The following PDE1C variants were observed in gnomAD, a reference collection of about 807,000 sequenced individuals.
The protein encoded by PDE1C is dual specificity calcium/calmodulin-dependent 3',5'-cyclic nucleotide phosphodiesterase 1C.
Under a neutral mutation model 93.1 loss-of-function variants are expected in PDE1C, and 62 were observed. The observed-to-expected ratio is 0.67, with a 90% CI of 0.54 to 0.82. PDE1C has a LOEUF of 0.82. PDE1C is among the 40% of genes least tolerant of loss of function. The pLI is 0.00. For missense variants in PDE1C, 742 were observed against 884.6 expected, an observed-to-expected ratio of 0.84 and a Z score of 2.04; for synonymous variants, 325 against 310.1, an observed-to-expected ratio of 1.05 and a Z score of -0.50.
intron 1 of PDE1C, among the ~76,000 whole-genome samples, chr7:32,297,673 C>G (rs1387952123): frequency 6.6e-6 from 1 of 152,136 alleles, no homozygotes; most frequent in African/African-American, 2.4e-5. Context: ...CCCAAAACCC[C>G]CTCTGGTCCC....
chr7:32,252,278 G>A (rs1374940420), intron 1 of PDE1C, among the ~76,000 whole-genome samples: 1 of 152,170 alleles, frequency 6.6e-6, no homozygotes, highest in African/African-American at 2.4e-5. Flanking sequence ...CACTGCACAA[G>A]ATCCCGGGAC....
chr7:32,021,973 A>G (rs1393342077), intron 2 of PDE1C, among the ~76,000 whole-genome samples: 2 of 152,132 alleles, frequency 1.3e-5, no homozygotes, highest in East Asian at 3.8e-4. Context: ...TGTTCTTAGT[A>G]TCTCAATCTA....
chr7:31,873,397 C>T lies in PDE1C; in HGVS notation c.504G>A (p.Lys168=), dbSNP rs1316672228. 1.2e-6 allele frequency: 2 copies of T among 1,609,358 alleles called. No individual in the cohort carries two copies. Among genetic ancestry groups the T allele is most frequent in the Non-Finnish European group, 1.7e-6 (2 of 1,175,990 alleles). ...AVIEALKDVD[K]WSFDVFSLNE... is the part of the protein sequence containing the mutation. ...TGAGGGAAAAGACGTCAAAGGACCA[C>T]TTGTCCACATCCTGCAGGACAGGGT... The change falls in exon 6 of 18, where the codon AAG becomes AAA. Residue 168 remains lysine (K), a synonymous_variant. Coordinates refer to ENST00000396191, the MANE Select transcript of PDE1C (RefSeq NM_001191057.4).
chr7:31,961,541 T>C lies in PDE1C; in HGVS notation c.129-80681A>G, dbSNP rs184401046. Among the ~76,000 whole-genome samples, 510 of 152,164 alleles carry C rather than the reference T, an allele frequency of 3.4e-3. 1 individual carries two copies. Among genetic ancestry groups the C allele is most frequent in the Non-Finnish European group, 5.9e-3 (399 of 67,996 alleles). ...TGAGGAAAAGAGGAAATGATCCCAT[T>C]TGACAGATAAGAACACTGGGGCAAC... On this transcript the variant is annotated intron_variant, in intron 2 of 17. Transcript: ENST00000396191.
chr7:32,193,350 T>C (rs1160605508), intron 2 of PDE1C, among the ~76,000 whole-genome samples: 5 of 152,200 alleles, frequency 3.3e-5, no homozygotes, highest in Non-Finnish European at 5.9e-5. Context: ...TGAGAGTTTC[T>C]ATCATGAATG....
rs1795780835 is a variant in PDE1C at position 31,775,701 on chromosome 7, G to A, written c.1923C>T (p.Ala641=). 6.2e-7 allele frequency: 1 copy of A among 1,612,864 alleles called. No homozygotes were observed. The highest frequency in any genetic ancestry group is 1.3e-5 in the African/African-American group (1 of 75,044). Residue 641 remains alanine (A), a synonymous_variant, in exon 17 of 18, where the codon GCC becomes GCT. Transcript: ENST00000396191. ...GTKQRSHGSP[A]PSTSSTCRLT... Reference sequence around the variant, plus strand: ...GGCGACACGTGGAGCTGGTGCTTGGGGCTGGTGAGCCGTGAGAACGCTGTT... The same window carrying A: ...GGCGACACGTGGAGCTGGTGCTTGGAGCTGGTGAGCCGTGAGAACGCTGTT...
At chr7:31,972,203 C>T (rs532322878) in intron 2 of PDE1C, among the ~76,000 whole-genome samples, 1 of 152,308 alleles carries the variant, frequency 6.6e-6, no homozygotes, top group Non-Finnish European at 1.5e-5. Context: ...AATAACCATT[C>T]TTAAAAGGGA....
At chr7:32,134,763 T>C (rs1054855173) in intron 3 of PDE1C, among the ~76,000 whole-genome samples, 6 of 151,098 alleles carry the variant, frequency 4.0e-5, no homozygotes, top group African/African-American at 1.5e-4. Flanking sequence ...TGTCAGGGGG[T>C]TGGGGACAAG....
chr7:31,908,965 C>T (rs1800912567), intron 2 of PDE1C, among the ~76,000 whole-genome samples: 1 of 152,200 alleles, frequency 6.6e-6, no homozygotes, highest in African/African-American at 2.4e-5. Flanking sequence ...TAAATTCTGC[C>T]TGTGGACAGC....
intron 2 of PDE1C, among the ~76,000 whole-genome samples, chr7:32,050,749 G>A (rs1228881224): frequency 6.6e-6 from 1 of 152,108 alleles, no homozygotes; most frequent in East Asian, 1.9e-4. Flanking sequence ...CAACCTGTAT[G>A]CATGCTCAAA....
At chr7:32,297,084 C>T (rs1291957156) in intron 1 of PDE1C, among the ~76,000 whole-genome samples, 1 of 152,136 alleles carries the variant, frequency 6.6e-6, no homozygotes, top group East Asian at 1.9e-4. Flanking sequence ...GACAAGATTT[C>T]TCAATGCTGT....
intron 2 of PDE1C, among the ~76,000 whole-genome samples, chr7:31,979,177 G>T (rs1397703744): frequency 6.6e-6 from 1 of 152,022 alleles, no homozygotes; most frequent in Non-Finnish European, 1.5e-5. Context: ...CCATATCATG[G>T]GTAATTGTAT....
In PDE1C at chr7:32,027,707, G is replaced by A. The variant is rs372376663; in HGVS notation, c.128+23847C>T. 5.6e-5 allele frequency among the ~76,000 whole-genome samples: 8 copies of A among 143,178 alleles called. 1 individual carries two copies. The highest frequency in any genetic ancestry group is 7.1e-5 in the Admixed American group (1 of 14,016). 93.9% of individuals were successfully genotyped at this position (143,178 alleles called of 152,430 possible). On this transcript the variant is annotated intron_variant, in intron 2 of 17. Transcript: ENST00000396191. Reference sequence around the variant, plus strand: ...CCACTCTGATCCTCTACCAAGATGAGCCTGACTGTTATGAGCTGCGTTACA... The same window carrying A: ...CCACTCTGATCCTCTACCAAGATGAACCTGACTGTTATGAGCTGCGTTACA...
At chr7:32,426,471 C>T (rs562406672) in intron 1 of PDE1C, among the ~76,000 whole-genome samples, 4 of 152,078 alleles carry the variant, frequency 2.6e-5, no homozygotes, top group South Asian at 2.1e-4. Flanking sequence ...GATGGAGTTT[C>T]GCCATGTTGC....
At chr7:32,172,684 T>C (rs982941017) in intron 2 of PDE1C, among the ~76,000 whole-genome samples, 10 of 151,764 alleles carry the variant, frequency 6.6e-5, no homozygotes, top group African/African-American at 2.2e-4. Flanking sequence ...TAGCCGGGCA[T>C]GGTGGTGCAT....
chr7:32,267,426 G>A lies in PDE1C; in HGVS notation c.85+31225C>T, dbSNP rs1011777001. On this transcript the variant is annotated intron_variant, in intron 1 of 18. Transcript: ENST00000396193. Reference sequence around the variant, plus strand: ...CATGTGGAGTGAAAAGAGGGGGCACGTCCACGTAAGGAACAGATGAAGAAA... The same window carrying A: ...CATGTGGAGTGAAAAGAGGGGGCACATCCACGTAAGGAACAGATGAAGAAA... Among the ~76,000 whole-genome samples, 6 of 152,108 alleles carry A rather than the reference G, an allele frequency of 3.9e-5. No individual in the cohort carries two copies. The East Asian group carries it at 9.7e-4, about 25-fold the overall frequency.
chr7:31,712,681 C>A, the PDE1C span, among the ~76,000 whole-genome samples: 1 of 152,082 alleles, frequency 6.6e-6, no homozygotes, highest in Non-Finnish European at 1.5e-5. Context: ...GAAGACATAC[C>A]CAAGACTGGG....
rs151020003 is a variant in PDE1C, at chr7:32,206,092, G to A, written c.136+3397C>T. Among the ~76,000 whole-genome samples, 667 of 152,188 alleles carry A rather than the reference G, an allele frequency of 4.4e-3. 5 individuals are homozygous for A. Among genetic ancestry groups the A allele is most frequent in the African/African-American group, 0.015 (630 of 41,536 alleles). ...AGAGGGGTAAGGTTACCTGCTCAAC[G>A]CGGCACAGAATTCATAATTCTGGAC... is the stretch of plus-strand genomic sequence containing the variant. On this transcript the variant is annotated intron_variant, in intron 2 of 18. Coordinates refer to the PDE1C transcript ENST00000396193.
chr7:31,891,805 T>C (rs1313079497), intron 2 of PDE1C, among the ~76,000 whole-genome samples: 2 of 146,140 alleles, frequency 1.4e-5, no homozygotes, highest in Admixed American at 6.8e-5. Flanking sequence ...AATGCATTCA[T>C]ACACACACAC....
Sources: allele counts gnomAD v4.1 joint callset (sites outside exome capture counted in the v4.1 genomes callset), GRCh38; gene constraint gnomAD v4.1.1; transcripts MANE v1.5; gene names NCBI Gene and HGNC (gene_info 2026-07-23, HGNC 2026-07-21).